PRKD3: variants seen among roughly 807,000 people sequenced by gnomAD.
The protein encoded by PRKD3 is protein kinase D3, also known as serine/threonine-protein kinase D3.
In PRKD3, 47 loss-of-function variants were observed where a neutral mutation model predicts 99.2. The ratio of observed to expected loss-of-function variants is 0.47; its 90% CI spans 0.38 to 0.60. The LOEUF is 0.60. Among genes scored for constraint, PRKD3 ranks in the 20% least tolerant of loss-of-function variants. The pLI is 0.00. For missense variants in PRKD3, 1,019 were observed against 1,088.4 expected, an observed-to-expected ratio of 0.94 and a Z score of 0.90; for synonymous variants, 392 against 355.4, an observed-to-expected ratio of 1.10 and a Z score of -1.16.
chr2:37,298,371 T>C (rs1337922018), intron 2 of PRKD3, among the ~76,000 whole-genome samples: 3 of 152,026 alleles, frequency 2.0e-5, no homozygotes, highest in Admixed American at 2.0e-4. Flanking sequence ...TTGCTCTTTT[T>C]TTCACTTAGC....
chr2:37,279,198 A>G (rs1669720826), intron 8 of PRKD3: 1 of 152,202 alleles, frequency 6.6e-6, no homozygotes, highest in Non-Finnish European at 1.5e-5. Flanking sequence ...CATTTAGGCT[A>G]CAAAAATTGA....
At chr2:37,260,141 G>T (rs757901671) in intron 15 of PRKD3, 82 bp downstream of exon 15, 27 of 1,293,118 alleles carry the variant, frequency 2.1e-5, no homozygotes, top group Non-Finnish European at 2.9e-5. Context: ...TCCAGCCCAG[G>T]TGACAGAGTA....
intron 2 of PRKD3, among the ~76,000 whole-genome samples, chr2:37,310,659 T>C (rs942948717): frequency 6.6e-6 from 1 of 152,206 alleles, no homozygotes; most frequent in African/African-American, 2.4e-5. Context: ...GCATTATGAA[T>C]GTTAAAATAC....
chr2:37,295,346 G>A lies in PRKD3; in HGVS notation c.289-2075C>T, dbSNP rs185782558. Among the ~76,000 whole-genome samples the A allele has an allele frequency of 6.2e-3, 945 of 152,236 alleles. 9 individuals carry two copies. Among genetic ancestry groups the A allele is most frequent in the Non-Finnish European group, 6.5e-3 (442 of 68,016 alleles). ...ATGTTAACTGGGACAGTGGAGTAGA[G>A]GGATTCAGTATGATACTTGAGCAGA... On this transcript the variant is annotated intron_variant, in intron 2 of 18. Transcript: ENST00000234179.
chr2:37,262,307 T>C (rs1343695991), intron 14 of PRKD3, among the ~76,000 whole-genome samples: 1 of 152,214 alleles, frequency 6.6e-6, no homozygotes, highest in Non-Finnish European at 1.5e-5. Context: ...TAGTTTCCAC[T>C]GTATTGTAAT....
intron 2 of PRKD3, among the ~76,000 whole-genome samples, chr2:37,308,783 T>A (rs189060986): frequency 6.6e-6 from 1 of 152,244 alleles, no homozygotes; most frequent in East Asian, 1.9e-4. Context: ...AAGGTCTATG[T>A]TAATGTTCCT....
chr2:37,291,495 A>T (rs905330765), intron 3 of PRKD3, among the ~76,000 whole-genome samples: 1 of 152,194 alleles, frequency 6.6e-6, no homozygotes, highest in Admixed American at 6.5e-5. Context: ...GAACGTCGGG[A>T]CAGTAGACCC....
At position 37,279,876 on chromosome 2, in the gene PRKD3, C is replaced by A; in HGVS notation, c.1042G>T (p.Asp348Tyr). 1 of 1,612,906 alleles carries A rather than the reference C, an allele frequency of 6.2e-7. No individual in the cohort carries two copies. Among genetic ancestry groups the A allele is most frequent in the South Asian group, 1.1e-5 (1 of 90,970 alleles). Reference protein sequence around the residue: ...TDIPMDIDNNDINSDSSRGLD... With the variant: ...TDIPMDIDNNYINSDSSRGLD... Reference sequence around the variant, plus strand: ...CCCCGACTACTATCACTATTTATGTCATTATTGTCAATATCCATTGGTATA... The same window carrying A: ...CCCCGACTACTATCACTATTTATGTAATTATTGTCAATATCCATTGGTATA... Residue 348 changes from aspartate (D) to tyrosine (Y), a missense_variant, in exon 8 of 19, where the codon GAC (aspartate) becomes TAC (tyrosine). Asp to Tyr is a radical substitution (Grantham distance 160). This residue lies in a region of PRKD3 where 710 missense variants were observed against 692.7 expected (regional missense o/e 1.02). Transcript: ENST00000234179.
rs76485180 is a variant in PRKD3, at chr2:37,266,027, C to G, written c.1884+1403G>C. Among the ~76,000 whole-genome samples the G allele has an allele frequency of 5.1e-3, 773 of 152,190 alleles. 10 individuals are homozygous for G. Among genetic ancestry groups the G allele is most frequent in the African/African-American group, 0.017 (708 of 41,506 alleles). On this transcript the variant is annotated intron_variant, in intron 14 of 18. Transcript: ENST00000234179. ...TTCCAAAATTAGATACGCAAAAATA[C>G]CTGACAACATATTCATACTATTCAT...
intron 14 of PRKD3, among the ~76,000 whole-genome samples, chr2:37,267,063 G>A (rs542528100): frequency 8.7e-4 from 133 of 152,120 alleles, no homozygotes; most frequent in South Asian, 1.5e-3. Flanking sequence ...AATGAAATAA[G>A]TGCTGTTAAA....
intron 9 of PRKD3, among the ~76,000 whole-genome samples, chr2:37,276,608 T>C (rs1261493744): frequency 1.3e-5 from 2 of 152,058 alleles, no homozygotes; most frequent in Non-Finnish European, 2.9e-5. Flanking sequence ...GTTTCTCATT[T>C]GTCTTTGCTT....
intron 13 of PRKD3, chr2:37,268,402 T>G: frequency 2.1e-6 from 1 of 467,952 alleles, no homozygotes; most frequent in East Asian, 7.0e-5. Flanking sequence ...ATATTATATA[T>G]GCATGCAGAG....
chr2:37,323,304 G>A lies in PRKD3; in HGVS notation c.-656+1377C>T, dbSNP rs541962106. Among the ~76,000 whole-genome samples the A allele has an allele frequency of 6.6e-5, 10 of 151,338 alleles. No homozygotes were observed. In the South Asian group the frequency reaches 2.1e-3, roughly 32 times the overall value. ...CTATATACTAAATTACAGAACCTGA[G>A]TCACCCTGAAATGTGAAATGCTATA... On this transcript the variant is annotated intron_variant, in intron 1 of 18. Transcript: ENST00000234179.
intron 2 of PRKD3, among the ~76,000 whole-genome samples, chr2:37,304,628 G>C (rs1347880210): frequency 6.6e-6 from 1 of 151,860 alleles, no homozygotes; most frequent in Non-Finnish European, 1.5e-5. Flanking sequence ...TGTAATCCCA[G>C]CTACTTGGGA....
intron 1 of PRKD3, among the ~76,000 whole-genome samples, chr2:37,321,131 A>G (rs1671867765): frequency 6.6e-6 from 1 of 152,238 alleles, no homozygotes; most frequent in South Asian, 2.1e-4. Flanking sequence ...AGAAGAGTAC[A>G]TCTTATTAAT....
Position 37,293,281 on chromosome 2 carries a change from AATAG to A in PRKD3, c.289-14_289-11del, listed in dbSNP as rs1670529040. Reference sequence around the variant, plus strand: ...ATCCACACTCTGGAAACTGAGGGATAATAGTCCTATATCAGTATGACCACAGTTT... The same window carrying A: ...ATCCACACTCTGGAAACTGAGGGATATCCTATATCAGTATGACCACAGTTT... On this transcript the variant is annotated splice_polypyrimidine_tract_variant and intron_variant, in intron 2 of 18. Coordinates refer to ENST00000234179, the MANE Select transcript of PRKD3 (RefSeq NM_005813.6). 6.3e-7 allele frequency: 1 copy of A among 1,584,784 alleles called. No homozygotes were observed. The highest frequency in any genetic ancestry group is 8.6e-7 in the Non-Finnish European group (1 of 1,156,726).
At chr2:37,263,147 C>G (rs1354818064) in intron 14 of PRKD3, among the ~76,000 whole-genome samples, 1 of 151,950 alleles carries the variant, frequency 6.6e-6, no homozygotes, top group Non-Finnish European at 1.5e-5. Context: ...TATTTTCATT[C>G]TTTCTTGCTT....
intron 2 of PRKD3, among the ~76,000 whole-genome samples, chr2:37,307,209 C>T (rs1000365546): frequency 6.6e-6 from 1 of 152,142 alleles, no homozygotes; most frequent in Non-Finnish European, 1.5e-5. Context: ...TTAACTTGAT[C>T]TTATATATTA....
chr2:37,287,230 C>CAAAAAAAAAAAAAA (rs754092348), intron 5 of PRKD3, among the ~76,000 whole-genome samples: 9 of 53,658 alleles, frequency 1.7e-4, no homozygotes, highest in African/African-American at 3.8e-4. Flanking sequence ...AACTCCATCT[C>CAAAAAAAAAAAAAA]AAAAAAAAAA....
Sources: allele counts gnomAD v4.1 joint callset (sites outside exome capture counted in the v4.1 genomes callset), GRCh38; gene constraint gnomAD v4.1.1; regional missense constraint gnomAD v4.1.1; transcripts MANE v1.5; gene names NCBI Gene and HGNC (gene_info 2026-07-23, HGNC 2026-07-21).